BNC2: variants seen among roughly 807,000 people sequenced by gnomAD.
BNC2 encodes basonuclin zinc finger protein 2.
BNC2 carries 20 observed loss-of-function variants against 76.3 expected under a neutral mutation model. That is an observed-to-expected ratio of 0.26 (90% CI 0.18 to 0.38). BNC2 has a LOEUF of 0.38. Among genes scored for constraint, BNC2 ranks in the 10% least tolerant of loss-of-function variants. BNC2 has a pLI of 1.00. For synonymous variants in BNC2, 582 were observed against 514.8 expected (o/e 1.13, Z -1.77); for missense variants, 1,382 against 1,399.8 (o/e 0.99, Z 0.20).
At chr9:16,594,815 T>A (rs942043364) in intron 3 of BNC2, among the ~76,000 whole-genome samples, 2 of 152,132 alleles carry the variant, frequency 1.3e-5, no homozygotes, top group South Asian at 2.1e-4. Context: ...CTACTCAGCC[T>A]GGGCATGGGA....
intron 5 of BNC2, among the ~76,000 whole-genome samples, chr9:16,447,244 C>A (rs565969318): frequency 6.6e-6 from 1 of 152,182 alleles, no homozygotes; most frequent in South Asian, 2.1e-4. Context: ...TAGCCCTATA[C>A]CTTTAGGCTA....
At chr9:16,430,230 C>T (rs530132503) in intron 6 of BNC2, among the ~76,000 whole-genome samples, 3 of 151,858 alleles carry the variant, frequency 2.0e-5, no homozygotes, top group African/African-American at 7.2e-5. Context: ...ATTTAGAAGT[C>T]AGAGGACCTG....
chr9:16,842,941 G>A (rs899159649), intron 1 of BNC2, among the ~76,000 whole-genome samples: 6 of 151,992 alleles, frequency 3.9e-5, no homozygotes, highest in African/African-American at 7.3e-5. Context: ...TAGTAGAGAC[G>A]CAGTTTCGCC....
chr9:16,449,238 C>T (rs545911455), intron 5 of BNC2, among the ~76,000 whole-genome samples: 15 of 152,304 alleles, frequency 9.8e-5, no homozygotes, highest in Admixed American at 3.3e-4. Flanking sequence ...TCCACATTAA[C>T]GGTAGTCATT....
At chr9:16,863,777 T>A (rs1387605019) in intron 1 of BNC2, among the ~76,000 whole-genome samples, 1 of 152,160 alleles carries the variant, frequency 6.6e-6, no homozygotes, top group East Asian at 1.9e-4. Context: ...AAAAATAACT[T>A]TACAGGGATT....
chr9:16,694,784 C>A (rs995696527), intron 3 of BNC2, among the ~76,000 whole-genome samples: 1 of 152,156 alleles, frequency 6.6e-6, no homozygotes, highest in African/African-American at 2.4e-5. Context: ...GTATACTACA[C>A]AATCCCCCCT....
intron 3 of BNC2, chr9:16,626,472 C>T (rs1397980426): frequency 6.6e-6 from 1 of 152,152 alleles, no homozygotes; most frequent in Admixed American, 6.5e-5. Context: ...TTTCATCTCT[C>T]AGTTATCCCC....
chr9:16,652,657 T>G (rs1821825297), intron 3 of BNC2, among the ~76,000 whole-genome samples: 1 of 152,196 alleles, frequency 6.6e-6, no homozygotes. Flanking sequence ...ATATCATCAC[T>G]TTTCTTCCCC....
intron 3 of BNC2, among the ~76,000 whole-genome samples, chr9:16,694,106 C>A (rs775966728): frequency 6.6e-6 from 1 of 152,050 alleles, no homozygotes; most frequent in Non-Finnish European, 1.5e-5. Context: ...GAAAATACAT[C>A]CGTCTGAGTT....
At chr9:16,678,761 ACAC>A (rs1822735511) in intron 3 of BNC2, among the ~76,000 whole-genome samples, 1 of 151,758 alleles carries the variant, frequency 6.6e-6, no homozygotes, top group Non-Finnish European at 1.5e-5. Flanking sequence ...TTTGGAACCT[ACAC>A]ACCATTGATC....
chr9:16,530,237 T>C (rs1817937280), intron 5 of BNC2, among the ~76,000 whole-genome samples: 1 of 152,156 alleles, frequency 6.6e-6, no homozygotes, highest in South Asian at 2.1e-4. Flanking sequence ...GCGGCATTAC[T>C]GTTCACCCTG....
At chr9:16,685,964 G>A (rs1168475711) in intron 3 of BNC2, among the ~76,000 whole-genome samples, 2 of 152,200 alleles carry the variant, frequency 1.3e-5, no homozygotes, top group Non-Finnish European at 2.9e-5. Context: ...GATGGGAAAA[G>A]ACTAAAATAG....
intron 3 of BNC2, among the ~76,000 whole-genome samples, chr9:16,675,511 C>T (rs146961288): frequency 4.7e-4 from 72 of 152,292 alleles, no homozygotes; most frequent in African/African-American, 1.7e-3. Flanking sequence ...AGGCCCACCT[C>T]GCCCACCTTC....
intron 5 of BNC2, among the ~76,000 whole-genome samples, chr9:16,442,599 G>C (rs1821150029): frequency 6.6e-6 from 1 of 152,192 alleles, no homozygotes; most frequent in Admixed American, 6.5e-5. Flanking sequence ...AGAGATGGAA[G>C]AGAAACCAAA....
intron 3 of BNC2, among the ~76,000 whole-genome samples, chr9:16,681,261 T>C (rs992653801): frequency 1.3e-5 from 2 of 152,158 alleles, no homozygotes; most frequent in African/African-American, 4.8e-5. Flanking sequence ...AATAAACAAT[T>C]AATTTCATAC....
Position 16,705,523 on chromosome 9 carries a change from A to G in BNC2, c.330+22274T>C, listed in dbSNP as rs961375692. ...TGCAGAGCCACACACTGCGCAGGCC[A>G]TTTGCTGCTCCCTCTCAACAGGCTC... On this transcript the variant is annotated intron_variant, in intron 3 of 6. Coordinates refer to ENST00000380672, the MANE Select transcript of BNC2 (RefSeq NM_017637.6). Among the ~76,000 whole-genome samples, 6 of 152,240 alleles carry G rather than the reference A, an allele frequency of 3.9e-5. No homozygotes were observed. The East Asian group carries it at 1.2e-3, about 29-fold the overall frequency.
In BNC2 at chr9:16,463,359, G is replaced by T. The variant is rs553637760; in HGVS notation, c.670-25835C>A. 3.7e-3 allele frequency among the ~76,000 whole-genome samples: 502 copies of T among 137,118 alleles called. 4 individuals carry two copies. Among genetic ancestry groups the T allele is most frequent in the Admixed American group, 5.9e-3 (82 of 14,010 alleles). 90.0% of individuals were successfully genotyped at this position (137,118 alleles called of 152,430 possible). On this transcript the variant is annotated intron_variant, in intron 5 of 6. Transcript: ENST00000380672. ...TCGCCCAGGCTGGAGTGCAGTGGCG[G>T]GATCTCGGCTCACTGCAAGCTCCGC...
At chr9:16,618,113 C>T (rs1820762580) in intron 3 of BNC2, among the ~76,000 whole-genome samples, 1 of 152,176 alleles carries the variant, frequency 6.6e-6, no homozygotes, top group Admixed American at 6.5e-5. Context: ...CATCAATAAT[C>T]CCTGATCCCA....
At chr9:16,767,471 G>C (rs1032986641) in intron 1 of BNC2, among the ~76,000 whole-genome samples, 2 of 152,136 alleles carry the variant, frequency 1.3e-5, no homozygotes, top group African/African-American at 4.8e-5. Context: ...GGCCAGGGAG[G>C]ATTTTTTTTG....
Sources: gnomAD v4.1 joint callset for allele counts (sites outside exome capture counted in the v4.1 genomes callset) on GRCh38, gnomAD v4.1.1 for gene constraint, MANE v1.5 for transcripts, NCBI Gene and HGNC (gene_info 2026-07-23, HGNC 2026-07-21) for gene names.